The following RLF variants were observed in gnomAD, a reference collection of about 807,000 sequenced individuals.
RLF encodes RLF zinc finger.
RLF carries 7 observed loss-of-function variants against 162.9 expected under a neutral mutation model. The observed-to-expected ratio is 0.04, with a 90% CI of 0.02 to 0.08. The LOEUF (loss-of-function observed/expected upper bound fraction) is 0.08. RLF is among the 10% of genes least tolerant of loss of function. RLF has a pLI of 1.00. For synonymous variants in RLF, 782 were observed against 791.5 expected (o/e 0.99, Z 0.20); for missense variants, 1,664 against 2,244.7 (o/e 0.74, Z 5.23).
chr1:40,240,271 T>G lies in RLF; in HGVS notation c.5569T>G (p.Leu1857Val), dbSNP rs149902770. Residue 1857 changes from leucine (L) to valine (V), a missense_variant, in exon 8 of 8, where the codon TTG becomes GTG. Physicochemically the swap from Leu to Val is conservative, Grantham distance 32. Around this residue, in one of 15 missense-constraint regions of RLF, gnomAD observed 327 missense variants for 342.7 expected, o/e 0.95. Transcript: ENST00000372771. The part of the protein sequence containing the change: ...IVAETTTVPS[L>V]ENLRVVLDKA... The stretch of plus-strand genomic sequence containing the variant: ...AGCTGAAACAACAACAGTTCCTTCC[T>G]TGGAAAACCTGAGGGTTGTATTGGA... 1.2e-5 allele frequency: 19 copies of G among 1,614,202 alleles called. No homozygotes were observed. The highest frequency in any genetic ancestry group is 3.3e-4 in the Middle Eastern group (2 of 6,062).
At chr1:40,200,545 A>G (rs921318571) in intron 4 of RLF, among the ~76,000 whole-genome samples, 5 of 152,108 alleles carry the variant, frequency 3.3e-5, no homozygotes, top group African/African-American at 9.7e-5. Context: ...AGATAGCTCT[A>G]ACTGCACAGA....
Position 40,239,509 on chromosome 1 carries a change from C to T in RLF, c.4807C>T (p.Pro1603Ser). The change falls in exon 8 of 8, where the codon CCT (proline) becomes TCT (serine). Residue 1603 changes from proline (P) to serine (S), a missense_variant. Physicochemically the swap from Pro to Ser is moderately conservative, Grantham distance 74 (BLOSUM62 -1). This residue lies in a region of RLF where 327 missense variants were observed against 342.7 expected (regional missense o/e 0.95). Coordinates refer to ENST00000372771, the MANE Select transcript of RLF (RefSeq NM_012421.4). ...KYGTKIKEEPPSEADPCIKKE... is the reference protein window; with the variant it reads ...KYGTKIKEEPSSEADPCIKKE... ...CGGTACCAAAATTAAGGAGGAACCC[C>T]CTTCTGAAGCAGATCCCTGTATAAA... 1 of 1,613,980 alleles carries T rather than the reference C, an allele frequency of 6.2e-7. No individual in the cohort carries two copies. Among genetic ancestry groups the T allele is most frequent in the Non-Finnish European group, 8.5e-7 (1 of 1,180,022 alleles).
intron 5 of RLF, among the ~76,000 whole-genome samples, chr1:40,221,968 TTTTA>T (rs1218444302): frequency 2.6e-5 from 4 of 151,772 alleles, no homozygotes; most frequent in South Asian, 2.1e-4. Flanking sequence ...TCCAGAGGAT[TTTTA>T]TTTGTTTTTT....
chr1:40,162,493 G>T (rs1310442153), intron 1 of RLF, among the ~76,000 whole-genome samples: 1 of 152,160 alleles, frequency 6.6e-6, no homozygotes, highest in Non-Finnish European at 1.5e-5. Flanking sequence ...TGTTCTGTCA[G>T]GTTTCAGAGG....
At chr1:40,168,733 C>T (rs1642199217) in intron 1 of RLF, among the ~76,000 whole-genome samples, 1 of 151,986 alleles carries the variant, frequency 6.6e-6, no homozygotes, top group Admixed American at 6.6e-5. Context: ...TGGCTCTCCC[C>T]TGTAATACCA....
intron 5 of RLF, among the ~76,000 whole-genome samples, chr1:40,221,246 A>G (rs753958624): frequency 6.6e-6 from 1 of 152,050 alleles, no homozygotes; most frequent in Non-Finnish European, 1.5e-5. Flanking sequence ...TGAACTTTGG[A>G]CTCATTTTTT....
In RLF at chr1:40,239,491, A is replaced by C; in HGVS notation, c.4789A>C (p.Lys1597Gln). The stretch of plus-strand genomic sequence containing the variant: ...TGTTGTTTGCGTTAAGTACGGTACC[A>C]AAATTAAGGAGGAACCCCCTTCTGA... The part of the protein sequence containing the change: ...NLVVCVKYGT[K>Q]IKEEPPSEAD... The change falls in exon 8 of 8, where the codon AAA (lysine) becomes CAA (glutamine). Residue 1597 changes from lysine to glutamine, a missense_variant. Physicochemically the swap from Lys to Gln is moderately conservative, Grantham distance 53. This residue lies in a region of RLF where 327 missense variants were observed against 342.7 expected (regional missense o/e 0.95). Coordinates refer to ENST00000372771, the MANE Select transcript of RLF (RefSeq NM_012421.4). The C allele has an allele frequency of 6.2e-7, 1 of 1,614,088 alleles. No homozygotes were observed. The highest frequency in any genetic ancestry group is 8.5e-7 in the Non-Finnish European group (1 of 1,180,038).
rs1227538894 is a variant in RLF at position 40,239,585 on chromosome 1, C to A, written c.4883C>A (p.Ser1628Tyr). The A allele has an allele frequency of 6.2e-7, 1 of 1,613,988 alleles. No homozygotes were observed. The highest frequency in any genetic ancestry group is 1.3e-5 in the African/African-American group (1 of 74,912). The part of the protein sequence containing the change: ...CESERTEHSH[S>Y]PGDSSAPIQN... The stretch of plus-strand genomic sequence containing the variant: ...TCAGAGCGCACAGAACACAGCCATT[C>A]CCCGGGTGACAGTAGTGCACCCATC... The change falls in exon 8 of 8, where the codon TCC becomes TAC. Residue 1628 changes from serine to tyrosine, a missense_variant. Transcript: ENST00000372771.
In RLF at chr1:40,240,374, C is replaced by CT; in HGVS notation, c.5673dup (p.Lys1892Ter). On this transcript the variant is annotated frameshift_variant, in exon 8 of 8. Coordinates refer to ENST00000372771, the MANE Select transcript of RLF (RefSeq NM_012421.4). LOFTEE classifies it high-confidence loss of function. ...CGGCCAGTGGTGGTTCTTGAAAGAT[C>CT]TAAGTTTTCCACACCAATTTTAGAC... 2 of 1,614,110 alleles carry CT rather than the reference C, an allele frequency of 1.2e-6. No individual in the cohort carries two copies. Among genetic ancestry groups the CT allele is most frequent in the Non-Finnish European group, 1.7e-6 (2 of 1,180,002 alleles).
At chr1:40,193,387 A>G (rs1008327308) in intron 3 of RLF, among the ~76,000 whole-genome samples, 2 of 152,196 alleles carry the variant, frequency 1.3e-5, no homozygotes, top group Admixed American at 6.5e-5. Flanking sequence ...ACTTTAACAA[A>G]TGAGAAAGTA....
intron 1 of RLF, among the ~76,000 whole-genome samples, chr1:40,173,333 C>T (rs1642272956): frequency 6.6e-6 from 1 of 151,978 alleles, no homozygotes; most frequent in Non-Finnish European, 1.5e-5. Flanking sequence ...GCCTTGGCCT[C>T]CCAAAGCTCT....
intron 1 of RLF, among the ~76,000 whole-genome samples, chr1:40,172,613 T>C (rs1242818968): frequency 6.6e-6 from 1 of 152,112 alleles, no homozygotes; most frequent in Non-Finnish European, 1.5e-5. Context: ...GGTGAAACTC[T>C]GTCTCTACTA....
At chr1:40,207,466 A>G (rs1642811572) in intron 5 of RLF, among the ~76,000 whole-genome samples, 1 of 152,156 alleles carries the variant, frequency 6.6e-6, no homozygotes, top group Non-Finnish European at 1.5e-5. Flanking sequence ...AGATGAAACC[A>G]AGTACAGTGT....
At chr1:40,187,776 A>G (rs4542204) in intron 1 of RLF, among the ~76,000 whole-genome samples, 7,912 of 152,228 alleles carry the variant, frequency 0.052, 601 homozygotes, top group African/African-American at 0.17. Context: ...GAACTCATAC[A>G]GGGACCATTT....
chr1:40,222,753 G>GTA, intron 6 of RLF, 43 bp downstream of exon 6: 1 of 1,541,366 alleles, frequency 6.5e-7, no homozygotes. Flanking sequence ...TTAGTACATA[G>GTA]TATAGCATTT....
At chr1:40,204,664 C>T (rs1258895513) in intron 5 of RLF, among the ~76,000 whole-genome samples, 2 of 151,910 alleles carry the variant, frequency 1.3e-5, no homozygotes, top group East Asian at 1.9e-4. Context: ...TCAAATGATC[C>T]GTCCACCTCA....
chr1:40,196,759 C>G (rs1642644043), intron 4 of RLF, among the ~76,000 whole-genome samples: 1 of 152,134 alleles, frequency 6.6e-6, no homozygotes, highest in Non-Finnish European at 1.5e-5. Flanking sequence ...CCTTAGCCTC[C>G]CAAAGTGCTG....
intron 1 of RLF, among the ~76,000 whole-genome samples, chr1:40,164,828 C>G (rs1281833516): frequency 1.3e-5 from 2 of 151,960 alleles, no homozygotes; most frequent in Non-Finnish European, 2.9e-5. Context: ...GAGTAAACCA[C>G]GTTTATATGA....
At chr1:40,200,946 A>G (rs1392772141) in intron 4 of RLF, among the ~76,000 whole-genome samples, 2 of 112,584 alleles carry the variant, frequency 1.8e-5, no homozygotes, top group Non-Finnish European at 3.5e-5. Flanking sequence ...ACACTGGTTT[A>G]TCCTTAGTAT....
Sources: gnomAD v4.1 joint callset for allele counts (sites outside exome capture counted in the v4.1 genomes callset) on GRCh38, gnomAD v4.1.1 for gene constraint, gnomAD v4.1.1 regional missense constraint, MANE v1.5 for transcripts, NCBI Gene and HGNC (gene_info 2026-07-23, HGNC 2026-07-21) for gene names.